The following UPP1 variants were observed in gnomAD, a reference collection of about 807,000 sequenced individuals.
The protein encoded by UPP1 is uridine phosphorylase 1.
In UPP1, 25 loss-of-function variants were observed where a neutral mutation model predicts 29.6. The observed-to-expected ratio is 0.85, with a 90% CI of 0.62 to 1.18. UPP1 has a LOEUF of 1.18. Ranked by LOEUF, UPP1 falls within the 50% of genes most tolerant of loss-of-function variation. The pLI is 0.00. For missense variants in UPP1, 368 were observed against 410.4 expected (o/e 0.90, Z 0.89); for synonymous variants, 165 against 159.8 (o/e 1.03, Z -0.25).
In UPP1 at chr7:48,090,365, GTCAGTT is replaced by G. The variant is rs1443316524; in HGVS notation, c.-22+5_-22+10del. 6.6e-6 allele frequency: 1 copy of G among 152,242 alleles called. No individual in the cohort carries two copies. The highest frequency in any genetic ancestry group is 2.4e-5 in the African/African-American group (1 of 41,456). 9.4% of individuals were successfully genotyped at this position (152,242 alleles called of 1,614,324 possible). On this transcript the variant is annotated splice_donor_variant and splice_donor_5th_base_variant and intron_variant, in intron 2 of 8. Coordinates refer to ENST00000395564, the MANE Select transcript of UPP1 (RefSeq NM_003364.4). LOFTEE classifies it low-confidence loss of function (5UTR_SPLICE). ...CGCCTCCAGCCGCTCTCCTCTGACG[GTCAGTT>G]TCAAAGAAACACAGTCTGGGATCCG...
intron 8 of UPP1, 130 bp from the exon 9 acceptor site, chr7:48,108,088 C>G: frequency 7.2e-7 from 1 of 1,385,716 alleles, no homozygotes; most frequent in Non-Finnish European, 9.8e-7. Context: ...CCCCGCCTGA[C>G]TGCATGGGCA....
At chr7:48,093,594 G>A (rs1312994933) in intron 2 of UPP1, among the ~76,000 whole-genome samples, 1 of 152,172 alleles carries the variant, frequency 6.6e-6, no homozygotes, top group Non-Finnish European at 1.5e-5. Context: ...CTCCTTCAAA[G>A]AGCTCTGGCA....
intron 6 of UPP1, 59 bp from the exon 7 acceptor site, chr7:48,106,814 T>C: frequency 6.4e-7 from 1 of 1,561,790 alleles, no homozygotes; most frequent in Non-Finnish European, 8.8e-7. Flanking sequence ...CTGGCTGCCC[T>C]GCTTTAATTT....
At position 48,101,945 on chromosome 7, in the gene UPP1, A is replaced by T. The variant is rs144411474; in HGVS notation, c.284A>T (p.Tyr95Phe). ...YPNICAGTDR[Y>F]AMYKVGPVLS... is the part of the protein sequence containing the mutation. The stretch of plus-strand genomic sequence containing the variant: ...AACATCTGTGCGGGAACTGACCGCT[A>T]TGCCATGTATAAAGTAGGACCGGTG... The change falls in exon 5 of 9, where the codon TAT (tyrosine) becomes TTT (phenylalanine). Residue 95 changes from tyrosine (Y) to phenylalanine (F), a missense_variant. Transcript: ENST00000395564. 1 of 1,613,868 alleles carries T rather than the reference A, an allele frequency of 6.2e-7. No homozygotes were observed. The highest frequency in any genetic ancestry group is 1.3e-5 in the African/African-American group (1 of 74,886).
chr7:48,095,275 G>A (rs1200253356), intron 3 of UPP1, among the ~76,000 whole-genome samples: 1 of 152,148 alleles, frequency 6.6e-6, no homozygotes, highest in Non-Finnish European at 1.5e-5. Flanking sequence ...AGAATTTCTT[G>A]TCTTCATTCT....
chr7:48,100,091 A>G (rs1329342959), intron 4 of UPP1, among the ~76,000 whole-genome samples: 1 of 152,202 alleles, frequency 6.6e-6, no homozygotes, highest in Non-Finnish European at 1.5e-5. Context: ...CATTGTGTGG[A>G]CAACATAGAG....
intron 3 of UPP1, among the ~76,000 whole-genome samples, 183 bp from the exon 4 acceptor site, chr7:48,099,487 G>T (rs1411544610): frequency 6.6e-6 from 1 of 152,162 alleles, no homozygotes; most frequent in Non-Finnish European, 1.5e-5. Flanking sequence ...GGGAGGAGAA[G>T]GGGGAAGAAC....
At chr7:48,096,515 C>T (rs1449321757) in intron 3 of UPP1, among the ~76,000 whole-genome samples, 1 of 152,094 alleles carries the variant, frequency 6.6e-6, no homozygotes, top group Non-Finnish European at 1.5e-5. Flanking sequence ...TTTTCTGGAG[C>T]CCTCCCACTT....
chr7:48,092,551 C>T (rs189790310), intron 2 of UPP1, among the ~76,000 whole-genome samples: 86 of 152,208 alleles, frequency 5.7e-4, no homozygotes, highest in East Asian at 1.7e-3. Flanking sequence ...AACTCATTCC[C>T]TTCACACTGG....
chr7:48,098,247 T>C (rs1189042034), intron 3 of UPP1, among the ~76,000 whole-genome samples: 1 of 152,126 alleles, frequency 6.6e-6, no homozygotes, highest in African/African-American at 2.4e-5. Flanking sequence ...TCTAGGGGAA[T>C]TGATGGGAAG....
chr7:48,108,299 A>C lies in UPP1; in HGVS notation c.875A>C (p.Gln292Pro). 6.2e-7 allele frequency: 1 copy of C among 1,614,156 alleles called. No homozygotes were observed. The highest frequency in any genetic ancestry group is 8.5e-7 in the Non-Finnish European group (1 of 1,180,032). ...SSPRNVLSEY[Q>P]QRPQRLVSYF... ...CCTCGCAATGTGCTCAGCGAGTACC[A>C]GCAGAGGCCGCAGCGGCTGGTGAGC... The change falls in exon 9 of 9, where the codon CAG becomes CCG. Residue 292 changes from glutamine to proline, a missense_variant. Physicochemically the swap from Gln to Pro is moderately conservative, Grantham distance 76. Coordinates refer to ENST00000395564, the MANE Select transcript of UPP1 (RefSeq NM_003364.4).
chr7:48,108,118 C>T (rs1792868112), intron 8 of UPP1, 100 bp from the exon 9 acceptor site: 1 of 1,503,006 alleles, frequency 6.7e-7, no homozygotes, highest in Non-Finnish European at 9.0e-7. Context: ...CCTGAGGAGG[C>T]AGAGAGGCTG....
At chr7:48,101,053 C>A (rs576812895) in intron 4 of UPP1, among the ~76,000 whole-genome samples, 1 of 152,050 alleles carries the variant, frequency 6.6e-6, no homozygotes, top group African/African-American at 2.4e-5. Flanking sequence ...ATTGTAGGCA[C>A]CTGCCACCAT....
intron 2 of UPP1, among the ~76,000 whole-genome samples, chr7:48,094,461 G>A (rs1026211675): frequency 1.3e-5 from 2 of 152,042 alleles, no homozygotes; most frequent in African/African-American, 4.8e-5. Context: ...ACCCACCTTG[G>A]CCTCCCAAAG....
At chr7:48,097,320 ACCT>A (rs1274879192) in intron 3 of UPP1, among the ~76,000 whole-genome samples, 1 of 151,734 alleles carries the variant, frequency 6.6e-6, no homozygotes, top group Non-Finnish European at 1.5e-5. Context: ...TGCAGCCTCA[ACCT>A]CCTGGGCTCA....
At chr7:48,104,437 G>T (rs1355791001) in intron 6 of UPP1, among the ~76,000 whole-genome samples, 1 of 152,090 alleles carries the variant, frequency 6.6e-6, no homozygotes, top group African/African-American at 2.4e-5. Flanking sequence ...TCCCACCGAG[G>T]TGTTCAGAGC....
intron 5 of UPP1, 110 bp downstream of exon 5, chr7:48,102,092 G>T (rs1792459772): frequency 1.4e-5 from 18 of 1,284,828 alleles, no homozygotes; most frequent in Non-Finnish European, 1.9e-5. Flanking sequence ...TACTGTAAAT[G>T]GCTGGGAGCA....
chr7:48,099,926 G>C (rs1583868357), intron 4 of UPP1, 139 bp downstream of exon 4: 1 of 659,466 alleles, frequency 1.5e-6, no homozygotes, highest in East Asian at 2.6e-5. Flanking sequence ...CCAAATTTTT[G>C]CAAGTTTTTA....
chr7:48,092,164 C>G (rs1791875023), intron 2 of UPP1, among the ~76,000 whole-genome samples: 1 of 152,110 alleles, frequency 6.6e-6, no homozygotes, highest in Non-Finnish European at 1.5e-5. Context: ...AAAATAGCAG[C>G]CTGGAGGGGG....
Sources: gnomAD v4.1 joint callset for allele counts (sites outside exome capture counted in the v4.1 genomes callset) on GRCh38, gnomAD v4.1.1 for gene constraint, MANE v1.5 for transcripts, NCBI Gene and HGNC (gene_info 2026-07-23, HGNC 2026-07-21) for gene names.